ERC2: variants seen among roughly 807,000 people sequenced by gnomAD.
The protein encoded by ERC2 is ELKS/RAB6-interacting/CAST family member 2.
Under a neutral mutation model 114.8 loss-of-function variants are expected in ERC2, and 42 were observed. The ratio of observed to expected loss-of-function variants is 0.37; its 90% confidence interval spans 0.29 to 0.47. The LOEUF (loss-of-function observed/expected upper bound fraction) is 0.47, where lower values mean the gene tolerates loss of function less well. Among genes scored for constraint, ERC2 ranks in the 20% least tolerant of loss-of-function variants. The pLI is 0.99. For missense variants in ERC2, 939 were observed against 1,150.7 expected (o/e 0.82, Z 2.66); for synonymous variants, 454 against 425.5 (o/e 1.07, Z -0.82).
intron 17 of ERC2, among the ~76,000 whole-genome samples, chr3:55,648,835 C>T (rs2060496311): frequency 6.6e-6 from 1 of 151,934 alleles, no homozygotes; most frequent in African/African-American, 2.4e-5. Context: ...AGAGATGCTG[C>T]TTCTGCTTCT....
chr3:56,135,324 A>G (rs1185984523), intron 6 of ERC2, among the ~76,000 whole-genome samples: 1 of 152,166 alleles, frequency 6.6e-6, no homozygotes, highest in Non-Finnish European at 1.5e-5. Flanking sequence ...ATTTGTCCAT[A>G]TCATTCTAAG....
chr3:56,249,710 G>C (rs1369373197), intron 3 of ERC2, among the ~76,000 whole-genome samples: 1 of 152,136 alleles, frequency 6.6e-6, no homozygotes, highest in Admixed American at 6.5e-5. Context: ...ACAGGTTGCT[G>C]TGAGAATTAA....
At chr3:55,717,505 A>C (rs1411612168) in intron 15 of ERC2, among the ~76,000 whole-genome samples, 1 of 152,170 alleles carries the variant, frequency 6.6e-6, no homozygotes, top group Non-Finnish European at 1.5e-5. Flanking sequence ...GGAAGCTTTC[A>C]TGCCCGTAAA....
At chr3:55,596,619 T>C (rs1355085547) in intron 17 of ERC2, among the ~76,000 whole-genome samples, 2 of 152,202 alleles carry the variant, frequency 1.3e-5, no homozygotes, top group African/African-American at 4.8e-5. Context: ...AATCTAGTTT[T>C]ATGTTGCTTT....
At chr3:55,606,976 T>C (rs2058667041) in intron 17 of ERC2, 1 of 152,338 alleles carries the variant, frequency 6.6e-6, no homozygotes. Context: ...TCTGGGACAA[T>C]GAAAATTATG....
chr3:55,996,868 T>G (rs1221264463), intron 10 of ERC2, among the ~76,000 whole-genome samples: 1 of 152,216 alleles, frequency 6.6e-6, no homozygotes, highest in Non-Finnish European at 1.5e-5. Context: ...AAACTTCAGA[T>G]TAATACTATA....
chr3:55,800,677 C>T (rs987034191), intron 14 of ERC2, among the ~76,000 whole-genome samples: 26 of 152,018 alleles, frequency 1.7e-4, no homozygotes, highest in Admixed American at 7.9e-4. Context: ...AATGAGTGAA[C>T]GGCACTAGAT....
chr3:55,516,465 A>G (rs2052513898), intron 17 of ERC2, among the ~76,000 whole-genome samples: 1 of 144,340 alleles, frequency 6.9e-6, no homozygotes, highest in South Asian at 2.3e-4. Flanking sequence ...GGAGAGCAAC[A>G]TTTTACCTTG....
At chr3:55,908,112 G>A (rs2064572830) in intron 13 of ERC2, among the ~76,000 whole-genome samples, 1 of 152,128 alleles carries the variant, frequency 6.6e-6, no homozygotes, top group African/African-American at 2.4e-5. Flanking sequence ...GGCCAGGAAG[G>A]GAAATGCCCT....
chr3:55,831,091 G>A (rs992357584), intron 14 of ERC2, among the ~76,000 whole-genome samples: 3 of 149,126 alleles, frequency 2.0e-5, no homozygotes, highest in Non-Finnish European at 4.4e-5. Context: ...AAGGTTGTTT[G>A]AAGCCAGGAG....
intron 13 of ERC2, among the ~76,000 whole-genome samples, chr3:55,926,119 G>A (rs938903380): frequency 6.6e-6 from 1 of 152,252 alleles, no homozygotes; most frequent in Admixed American, 6.5e-5. Context: ...ATATTTTCAA[G>A]TTGTCTTAAA....
At chr3:55,999,104 A>G (rs1375927628) in intron 10 of ERC2, among the ~76,000 whole-genome samples, 1 of 152,216 alleles carries the variant, frequency 6.6e-6, no homozygotes, top group Non-Finnish European at 1.5e-5. Context: ...TACAATGACC[A>G]CAAGGGCTAC....
chr3:56,330,433 G>A (rs1201710194), intron 2 of ERC2, among the ~76,000 whole-genome samples: 6 of 152,142 alleles, frequency 3.9e-5, no homozygotes, highest in Non-Finnish European at 7.4e-5. Context: ...AAAGATCTAG[G>A]AGGATGCTAA....
intron 2 of ERC2, among the ~76,000 whole-genome samples, chr3:56,399,752 C>G (rs1316170854): frequency 6.7e-6 from 1 of 148,868 alleles, no homozygotes; most frequent in Non-Finnish European, 1.5e-5. Context: ...AAATTTAGCA[C>G]AAACCTCTCC....
intron 3 of ERC2, among the ~76,000 whole-genome samples, chr3:56,233,620 C>CA (rs79004022): frequency 0.059 from 6,576 of 111,374 alleles, 236 homozygotes; most frequent in Admixed American, 0.17. Flanking sequence ...TCTCAACAAC[C>CA]AAAAAAAAAA....
chr3:55,960,603 T>C (rs1470650108), intron 12 of ERC2, among the ~76,000 whole-genome samples: 1 of 152,216 alleles, frequency 6.6e-6, no homozygotes, highest in Non-Finnish European at 1.5e-5. Flanking sequence ...GAATTCCTTA[T>C]GGACTATTCC....
intron 14 of ERC2, among the ~76,000 whole-genome samples, chr3:55,791,801 C>G (rs545550270): frequency 6.6e-6 from 1 of 152,224 alleles, no homozygotes; most frequent in South Asian, 2.1e-4. Flanking sequence ...TTCAGAGATA[C>G]AAGGAATCCA....
intron 3 of ERC2, among the ~76,000 whole-genome samples, chr3:56,176,309 TGAA>T (rs1170174978): frequency 6.6e-6 from 1 of 152,002 alleles, no homozygotes; most frequent in Non-Finnish European, 1.5e-5. Context: ...GGAAAAATAA[TGAA>T]GAAGCAACCA....
rs553325506 is a variant in ERC2, at chr3:56,308,812, T to A, written c.658-12377A>T. On this transcript the variant is annotated intron_variant, in intron 2 of 17. Transcript: ENST00000288221. ...TCGTGAAGTTTTTTTTTTTAATAAATCCATACTCCTTCTCAAGCAAGTACT... is the reference window on the plus strand; with the variant it reads ...TCGTGAAGTTTTTTTTTTTAATAAAACCATACTCCTTCTCAAGCAAGTACT... 8.5e-5 allele frequency among the ~76,000 whole-genome samples: 13 copies of A among 152,172 alleles called. No homozygotes were observed. In the South Asian group the frequency reaches 2.1e-3, roughly 24 times the overall value.
Sources: allele counts gnomAD v4.1 joint callset (sites outside exome capture counted in the v4.1 genomes callset), GRCh38; gene constraint gnomAD v4.1.1; transcripts MANE v1.5; gene names NCBI Gene and HGNC (gene_info 2026-07-23, HGNC 2026-07-21).